CHODL: variants seen among roughly 807,000 people sequenced by gnomAD.
The protein encoded by CHODL is transmembrane protein MT75.
Under a neutral mutation model 34.5 loss-of-function variants are expected in CHODL, and 29 were observed. The observed-to-expected ratio is 0.84, with a 90% CI of 0.63 to 1.15. CHODL has a LOEUF of 1.15. Among genes scored for constraint, CHODL ranks in the 50% most tolerant of loss-of-function variants. CHODL has a pLI of 0.00. For synonymous variants in CHODL, 125 were observed against 116.1 expected (o/e 1.08, Z -0.49); for missense variants, 332 against 332.5 (o/e 1.00, Z 0.01).
chr21:18,145,391 C>G (rs570523172), intron 2 of CHODL, among the ~76,000 whole-genome samples: 1 of 140,880 alleles, frequency 7.1e-6, no homozygotes, highest in African/African-American at 2.7e-5. Context: ...GAGCCAAGAT[C>G]GCGCCACTGC....
chr21:18,095,194 T>C (rs2065124939), intron 2 of CHODL, among the ~76,000 whole-genome samples: 1 of 150,284 alleles, frequency 6.7e-6, no homozygotes. Context: ...AAGAAAACAA[T>C]ACAAAAGATC....
intron 1 of CHODL, among the ~76,000 whole-genome samples, chr21:18,021,783 A>C (rs200995957): frequency 1.5e-5 from 2 of 129,832 alleles, no homozygotes; most frequent in Admixed American, 1.6e-4. Context: ...GAGTGGAAAA[A>C]GGGTAGGAGA....
At chr21:17,968,319 C>T (rs111738160) in intron 1 of CHODL, among the ~76,000 whole-genome samples, 74 of 152,210 alleles carry the variant, frequency 4.9e-4, no homozygotes, top group East Asian at 4.6e-3. Context: ...TGTCTTTTTC[C>T]GATTATTTAC....
intron 2 of CHODL, among the ~76,000 whole-genome samples, chr21:18,221,877 T>C (rs1332826046): frequency 1.3e-5 from 2 of 152,206 alleles, no homozygotes; most frequent in Non-Finnish European, 2.9e-5. Context: ...GTCCTCAGGA[T>C]CCAGAGTGAT....
upstream of CHODL, among the ~76,000 whole-genome samples, chr21:18,241,363 A>G (rs1161390108): frequency 1.3e-5 from 2 of 152,238 alleles, no homozygotes; most frequent in East Asian, 3.8e-4. Context: ...GATAGTGCTC[A>G]GGAGAATCAT....
intron 1 of CHODL, among the ~76,000 whole-genome samples, chr21:18,017,581 G>A (rs1291835125): frequency 6.6e-6 from 1 of 152,218 alleles, no homozygotes; most frequent in Non-Finnish European, 1.5e-5. Context: ...AGTGAGTGAG[G>A]CTTGGCAGTC....
intron 2 of CHODL, among the ~76,000 whole-genome samples, chr21:18,116,533 C>T (rs2065415193): frequency 6.6e-6 from 1 of 152,164 alleles, no homozygotes; most frequent in African/African-American, 2.4e-5. Context: ...TGGGTCCTTT[C>T]CTTTTATTTT....
chr21:18,108,640 G>T (rs1601014047), intron 2 of CHODL, among the ~76,000 whole-genome samples: 1 of 152,080 alleles, frequency 6.6e-6, no homozygotes, highest in South Asian at 2.1e-4. Context: ...CTTGTCAAGT[G>T]GTATACATAA....
chr21:18,153,073 G>A (rs994490252), intron 2 of CHODL, among the ~76,000 whole-genome samples: 21 of 152,162 alleles, frequency 1.4e-4, no homozygotes, highest in South Asian at 8.3e-4. Flanking sequence ...AGTTTCTATC[G>A]CTGCCATAAT....
At position 18,132,870 on chromosome 21, in the gene CHODL, T is replaced by G. The variant is rs531343610; in HGVS notation, c.-45+104899T>G. 5.7e-4 allele frequency among the ~76,000 whole-genome samples: 86 copies of G among 151,414 alleles called. No homozygotes were observed. The South Asian group carries it at 9.2e-3, about 16-fold the overall frequency. On this transcript the variant is annotated intron_variant, in intron 2 of 6. Transcript: ENST00000400127. The stretch of plus-strand genomic sequence containing the variant: ...CAATTATGTTTGTAACTTCCTGACA[T>G]ATAAATGTTGATAGTAGTATGAAAA...
intron 2 of CHODL, among the ~76,000 whole-genome samples, chr21:18,077,825 G>C (rs569798673): frequency 3.3e-5 from 5 of 152,116 alleles, no homozygotes; most frequent in Admixed American, 2.6e-4. Flanking sequence ...TGATATTTTT[G>C]TAGCAGTCTG....
intron 2 of CHODL, among the ~76,000 whole-genome samples, chr21:18,192,083 G>T (rs2146692912): frequency 1.3e-5 from 2 of 152,248 alleles, no homozygotes; most frequent in South Asian, 4.2e-4. Context: ...AAACCCTCTG[G>T]AAGAACTACA....
At chr21:18,042,741 G>T (rs978717312) in intron 2 of CHODL, among the ~76,000 whole-genome samples, 1 of 151,864 alleles carries the variant, frequency 6.6e-6, no homozygotes, top group African/African-American at 2.4e-5. Context: ...ATTCTCTTGC[G>T]CAGAAGGTGA....
intron 2 of CHODL, among the ~76,000 whole-genome samples, chr21:18,188,423 A>G (rs1167288452): frequency 6.6e-6 from 1 of 152,202 alleles, no homozygotes; most frequent in Non-Finnish European, 1.5e-5. Context: ...AAAACATTTA[A>G]TTTCCCCCAG....
chr21:18,245,358 C>T, intron 1 of CHODL, 56 bp downstream of exon 1: 1 of 1,390,508 alleles, frequency 7.2e-7, no homozygotes. Context: ...CCACGGGGCG[C>T]GGCGGGCAGC....
intron 1 of CHODL, among the ~76,000 whole-genome samples, chr21:17,938,496 G>GTTTTTTTTC (rs2063336099): frequency 2.3e-5 from 1 of 43,684 alleles, no homozygotes. Flanking sequence ...TTTTTTTTAA[G>GTTTTTTTTC]GAAAGGGAGT....
chr21:18,142,515 A>G (rs773043514), intron 2 of CHODL, among the ~76,000 whole-genome samples: 1 of 152,076 alleles, frequency 6.6e-6, no homozygotes, highest in Admixed American at 6.6e-5. Flanking sequence ...TTTATCACCT[A>G]TTTCTGGGTG....
At chr21:18,002,548 A>C (rs183498706) in intron 1 of CHODL, among the ~76,000 whole-genome samples, 8 of 152,340 alleles carry the variant, frequency 5.3e-5, no homozygotes, top group Non-Finnish European at 8.8e-5. Flanking sequence ...TATATGATTC[A>C]TCCTGATTTT....
At chr21:17,970,755 C>T (rs939855793) in intron 1 of CHODL, among the ~76,000 whole-genome samples, 1 of 151,910 alleles carries the variant, frequency 6.6e-6, no homozygotes, top group Non-Finnish European at 1.5e-5. Context: ...TTAAATTATA[C>T]TTTAAGTTCT....
Sources: allele counts gnomAD v4.1 joint callset (sites outside exome capture counted in the v4.1 genomes callset), GRCh38; gene constraint gnomAD v4.1.1; transcripts MANE v1.5; gene names NCBI Gene and HGNC (gene_info 2026-07-23, HGNC 2026-07-21).